The following FRMD4A variants were observed in gnomAD, a reference collection of about 807,000 sequenced individuals.
FRMD4A encodes the protein FERM domain-containing protein 4A.
FRMD4A carries 29 observed loss-of-function variants against 129.1 expected under a neutral mutation model. The observed-to-expected ratio is 0.22, with a 90% CI of 0.17 to 0.31. FRMD4A has a LOEUF of 0.31. Among genes scored for constraint, FRMD4A ranks in the 10% least tolerant of loss-of-function variants. The probability of loss-of-function intolerance (pLI) is 1.00; values close to 1 mark genes in which losing one functional copy is unlikely to be tolerated. For synonymous variants in FRMD4A, 634 were observed against 571.6 expected, an observed-to-expected ratio of 1.11 and a Z score of -1.56; for missense variants, 1,272 against 1,375.8, an observed-to-expected ratio of 0.92 and a Z score of 1.19.
At chr10:13,942,442 C>A (rs900164648) in intron 2 of FRMD4A, among the ~76,000 whole-genome samples, 2 of 152,118 alleles carry the variant, frequency 1.3e-5, no homozygotes, top group African/African-American at 2.4e-5. Context: ...AGCTACGGGC[C>A]CTCAAGGCTA....
intron 2 of FRMD4A, among the ~76,000 whole-genome samples, chr10:14,236,456 C>T (rs1843817249): frequency 6.6e-6 from 1 of 152,176 alleles, no homozygotes; most frequent in Non-Finnish European, 1.5e-5. Context: ...AGCTGAGGTC[C>T]CACAGTCACA....
chr10:14,024,147 G>T lies in FRMD4A; in HGVS notation c.46-165235C>A, dbSNP rs544257596. Reference sequence around the variant, plus strand: ...AACCCACATCTCTACTATTTAATCTGCATGGACTATTCTGTGCCACTCAGG... The same window carrying T: ...AACCCACATCTCTACTATTTAATCTTCATGGACTATTCTGTGCCACTCAGG... On this transcript the variant is annotated intron_variant, in intron 2 of 24. Coordinates refer to ENST00000357447, the MANE Select transcript of FRMD4A (RefSeq NM_018027.5). 2.0e-5 allele frequency among the ~76,000 whole-genome samples: 3 copies of T among 152,268 alleles called. No individual in the cohort carries two copies. In the East Asian group the frequency reaches 5.8e-4, roughly 29 times the overall value.
intron 12 of FRMD4A, chr10:13,707,611 T>A (rs1292516213): frequency 1.0e-6 from 1 of 988,474 alleles, no homozygotes; most frequent in Non-Finnish European, 1.2e-6. Flanking sequence ...GCGTTCAAAT[T>A]CCCAGCCTCC....
chr10:13,896,931 C>T (rs199655231), intron 2 of FRMD4A, among the ~76,000 whole-genome samples: 9 of 152,074 alleles, frequency 5.9e-5, no homozygotes, highest in East Asian at 1.9e-4. Flanking sequence ...TCCGTTTATG[C>T]GTGAGGTTGC....
At chr10:13,914,015 C>A (rs1330659214) in intron 2 of FRMD4A, among the ~76,000 whole-genome samples, 1 of 152,150 alleles carries the variant, frequency 6.6e-6, no homozygotes, top group South Asian at 2.1e-4. Context: ...GCCTGTGGAC[C>A]AACACCCCTC....
At chr10:13,992,688 T>A (rs1462317149) in intron 2 of FRMD4A, among the ~76,000 whole-genome samples, 2 of 152,048 alleles carry the variant, frequency 1.3e-5, no homozygotes. Context: ...GCATGGTGGC[T>A]CGCACCTGTA....
At chr10:13,741,218 C>T (rs1341431455) in intron 9 of FRMD4A, among the ~76,000 whole-genome samples, 1 of 151,212 alleles carries the variant, frequency 6.6e-6, no homozygotes, top group African/African-American at 2.4e-5. Flanking sequence ...GGGAGGCTGA[C>T]ATGGGGGGAT....
intron 2 of FRMD4A, among the ~76,000 whole-genome samples, chr10:13,949,054 G>A (rs1322301428): frequency 6.6e-6 from 1 of 152,114 alleles, no homozygotes; most frequent in Admixed American, 6.5e-5. Context: ...GCAGTTGTGA[G>A]TGCTTAGGAA....
chr10:13,978,942 T>C (rs73587371), intron 2 of FRMD4A, among the ~76,000 whole-genome samples: 2,797 of 152,204 alleles, frequency 0.018, 72 homozygotes, highest in African/African-American at 0.063. Context: ...AGTGATCCTA[T>C]GGCCATAAAA....
chr10:13,699,692 C>G (rs2086617851), intron 14 of FRMD4A, among the ~76,000 whole-genome samples: 1 of 152,144 alleles, frequency 6.6e-6, no homozygotes, highest in Non-Finnish European at 1.5e-5. Context: ...GCCCAATCCC[C>G]TAACCCCCAC....
In FRMD4A at chr10:13,802,620, TA is replaced by T. The variant is rs35551739; in HGVS notation, c.207-6033del. Among the ~76,000 whole-genome samples the T allele has an allele frequency of 1.0e-3, 153 of 151,074 alleles. 2 individuals are homozygous for T. Among genetic ancestry groups the T allele is most frequent in the Non-Finnish European group, 1.8e-3 (122 of 67,714 alleles). Reference sequence around the variant, plus strand: ...GCACATACCATTGCACTTGGGTAATTAAAAAAAAAGGTTTTTTTTGTTTTTG... The same window carrying T: ...GCACATACCATTGCACTTGGGTAATTAAAAAAAAGGTTTTTTTTGTTTTTG... On this transcript the variant is annotated intron_variant, in intron 4 of 24. Transcript: ENST00000357447.
At chr10:13,781,043 C>T (rs1350453813) in intron 6 of FRMD4A, among the ~76,000 whole-genome samples, 1 of 152,310 alleles carries the variant, frequency 6.6e-6, no homozygotes, top group Non-Finnish European at 1.5e-5. Context: ...TGGCCCACTT[C>T]TGTAATCCCA....
At chr10:13,761,495 T>A (rs2092073320) in intron 8 of FRMD4A, 152 bp downstream of exon 8, 1 of 644,746 alleles carries the variant, frequency 1.6e-6, no homozygotes, top group Non-Finnish European at 2.8e-6. Flanking sequence ...CTGATCTATC[T>A]GTTTCAGTGG....
intron 2 of FRMD4A, among the ~76,000 whole-genome samples, chr10:14,138,846 G>A (rs1322803279): frequency 3.3e-5 from 5 of 152,130 alleles, no homozygotes; most frequent in Admixed American, 6.6e-5. Flanking sequence ...TTCAGGTAGG[G>A]CAACTGCTGA....
intron 2 of FRMD4A, among the ~76,000 whole-genome samples, chr10:14,052,571 T>C (rs1834311374): frequency 6.6e-6 from 1 of 152,050 alleles, no homozygotes. Context: ...TTCTTTTTGT[T>C]TTTTGAGACA....
At chr10:13,716,079 G>A (rs775671056) in intron 12 of FRMD4A, among the ~76,000 whole-genome samples, 4 of 152,088 alleles carry the variant, frequency 2.6e-5, no homozygotes, top group Non-Finnish European at 4.4e-5. Flanking sequence ...ATGGTGTCAT[G>A]AGCATTGCAA....
At chr10:14,180,701 T>G (rs888115105) in intron 2 of FRMD4A, among the ~76,000 whole-genome samples, 2 of 152,218 alleles carry the variant, frequency 1.3e-5, no homozygotes, top group African/African-American at 4.8e-5. Flanking sequence ...TCCTAAACTG[T>G]GGAGCAGAGC....
intron 3 of FRMD4A, among the ~76,000 whole-genome samples, chr10:13,844,081 A>T (rs749328185): frequency 1.9e-4 from 29 of 151,940 alleles, no homozygotes; most frequent in Non-Finnish European, 4.1e-4. Flanking sequence ...TATGTAGGAG[A>T]GTGTGTGTGT....
intron 2 of FRMD4A, among the ~76,000 whole-genome samples, chr10:14,236,593 CAAGGGCTT>C (rs550283353): frequency 3.0e-4 from 45 of 152,268 alleles, no homozygotes; most frequent in African/African-American, 7.0e-4. Flanking sequence ...GAGGACCAGA[CAAGGGCTT>C]CCAATCAGCT....
Sources: gnomAD v4.1 joint callset for allele counts (sites outside exome capture counted in the v4.1 genomes callset) on GRCh38, gnomAD v4.1.1 for gene constraint, MANE v1.5 for transcripts, NCBI Gene and HGNC (gene_info 2026-07-23, HGNC 2026-07-21) for gene names.